Variants in IQCM observed in about 807,000 individuals in gnomAD.
The protein encoded by IQCM is IQ domain-containing protein M.
In IQCM, 45 loss-of-function variants were observed where a neutral mutation model predicts 57.6. The observed-to-expected ratio is 0.78, with a 90% CI of 0.62 to 1.00. The LOEUF is 1.00. IQCM is among the 50% of genes least tolerant of loss of function. The pLI is 0.00. For synonymous variants in IQCM, 148 were observed against 158.9 expected, an observed-to-expected ratio of 0.93 and a Z score of 0.51; for missense variants, 468 against 511.6, an observed-to-expected ratio of 0.91 and a Z score of 0.82.
At chr4:149,366,270 C>T (rs1370166707) in intron 13 of IQCM, among the ~76,000 whole-genome samples, 3 of 151,930 alleles carry the variant, frequency 2.0e-5, no homozygotes, top group Non-Finnish European at 4.4e-5. Flanking sequence ...TTTAGACTGG[C>T]TTGTGAAAAC....
chr4:149,738,369 G>T (rs964780422), intron 3 of IQCM, among the ~76,000 whole-genome samples: 1 of 152,090 alleles, frequency 6.6e-6, no homozygotes, highest in Non-Finnish European at 1.5e-5. Flanking sequence ...CAGCTGTTTC[G>T]ACTTCCCCCT....
intron 13 of IQCM, among the ~76,000 whole-genome samples, chr4:149,404,246 C>T (rs992739925): frequency 9.9e-5 from 15 of 151,978 alleles, no homozygotes; most frequent in African/African-American, 3.6e-4. Context: ...CCCCAGCTGC[C>T]ACGCCTTTAT....
chr4:149,520,199 C>A (rs1745475090), intron 12 of IQCM, among the ~76,000 whole-genome samples: 1 of 150,766 alleles, frequency 6.6e-6, no homozygotes, highest in African/African-American at 2.4e-5. Context: ...CCACAAAAAA[C>A]CGTATATAAG....
At chr4:149,737,461 T>TA (rs1767045292) in intron 3 of IQCM, among the ~76,000 whole-genome samples, 1 of 152,180 alleles carries the variant, frequency 6.6e-6, no homozygotes, top group Non-Finnish European at 1.5e-5. Flanking sequence ...TGGTAGTAAG[T>TA]ATATGGGCAT....
Position 149,440,695 on chromosome 4 carries a change from G to A in IQCM, c.1229-7138C>T, listed in dbSNP as rs539976701. ...TCAGTAAAAAATGAACTTCAAACAA[G>A]TGAGAATTTTTCCTGATGGATTTTT... On this transcript the variant is annotated intron_variant, in intron 12 of 13. Coordinates refer to ENST00000636793, the MANE Select transcript of IQCM (RefSeq NM_001363507.2). Among the ~76,000 whole-genome samples the A allele has an allele frequency of 2.0e-5, 3 of 152,120 alleles. No homozygotes were observed. The South Asian group carries it at 6.2e-4, about 31-fold the overall frequency.
At chr4:149,766,097 T>TA (rs1284948335) in intron 2 of IQCM, among the ~76,000 whole-genome samples, 1 of 152,094 alleles carries the variant, frequency 6.6e-6, no homozygotes, top group Non-Finnish European at 1.5e-5. Flanking sequence ...ACTCTCTCTG[T>TA]ACTGCAACAC....
chr4:149,515,686 G>C (rs572075974), intron 12 of IQCM, among the ~76,000 whole-genome samples: 2 of 152,318 alleles, frequency 1.3e-5, no homozygotes, highest in Non-Finnish European at 2.9e-5. Context: ...ACTCTGAGCA[G>C]TACACTTGGT....
At chr4:149,476,662 AGAG>A (rs944875409) in intron 12 of IQCM, among the ~76,000 whole-genome samples, 1 of 152,176 alleles carries the variant, frequency 6.6e-6, no homozygotes, top group Non-Finnish European at 1.5e-5. Context: ...ACCGAAAGGT[AGAG>A]GAGGCTGGAT....
intron 13 of IQCM, among the ~76,000 whole-genome samples, chr4:149,394,427 A>G (rs2111100383): frequency 6.6e-6 from 1 of 152,076 alleles, no homozygotes; most frequent in African/African-American, 2.4e-5. Flanking sequence ...TTTATCTTGC[A>G]AAAGTATTAT....
At chr4:149,667,888 A>G (rs1398376432) in intron 7 of IQCM, among the ~76,000 whole-genome samples, 1 of 152,028 alleles carries the variant, frequency 6.6e-6, no homozygotes, top group African/African-American at 2.4e-5. Flanking sequence ...AGAAGAATGA[A>G]AAGGAACAAA....
chr4:149,497,791 G>T (rs1277350322), intron 12 of IQCM, among the ~76,000 whole-genome samples: 2 of 146,780 alleles, frequency 1.4e-5, no homozygotes, highest in East Asian at 4.0e-4. Flanking sequence ...CACCCAAAAA[G>T]AACCTATATA....
At chr4:149,464,946 A>T (rs1738688646) in intron 12 of IQCM, among the ~76,000 whole-genome samples, 1 of 152,204 alleles carries the variant, frequency 6.6e-6, no homozygotes, top group Non-Finnish European at 1.5e-5. Context: ...TTAAATAGGA[A>T]TAGTTATGAA....
At chr4:149,815,556 T>C (rs1368196097) in intron 1 of IQCM, 44 bp downstream of exon 1, 1 of 152,134 alleles carries the variant, frequency 6.6e-6, no homozygotes, top group Non-Finnish European at 1.5e-5. Context: ...AAGAAACAGA[T>C]AATTAATACT....
chr4:149,467,871 G>A (rs982333367), intron 12 of IQCM, among the ~76,000 whole-genome samples: 3 of 152,226 alleles, frequency 2.0e-5, no homozygotes, highest in Non-Finnish European at 4.4e-5. Flanking sequence ...ATACTTAACT[G>A]GAACCCAAAG....
intron 13 of IQCM, among the ~76,000 whole-genome samples, chr4:149,419,747 C>A (rs1578998200): frequency 6.6e-6 from 1 of 151,944 alleles, no homozygotes; most frequent in Non-Finnish European, 1.5e-5. Context: ...ACCCATCTGA[C>A]AAAGGTCTAA....
At chr4:149,663,067 C>G (rs1009679517) in intron 7 of IQCM, among the ~76,000 whole-genome samples, 1 of 151,654 alleles carries the variant, frequency 6.6e-6, no homozygotes, top group South Asian at 2.1e-4. Context: ...TGTGTATTTA[C>G]TATAATTTCT....
intron 13 of IQCM, among the ~76,000 whole-genome samples, chr4:149,410,043 G>A (rs997110776): frequency 2.0e-5 from 3 of 152,140 alleles, no homozygotes; most frequent in African/African-American, 7.2e-5. Flanking sequence ...AATTAGCCAG[G>A]CATGGCGGTG....
intron 11 of IQCM, among the ~76,000 whole-genome samples, chr4:149,549,868 A>G (rs2149899429): frequency 6.6e-6 from 1 of 152,326 alleles, no homozygotes; most frequent in Admixed American, 6.5e-5. Flanking sequence ...CAACAGATTC[A>G]AGACATATTT....
At chr4:149,573,265 C>A (rs563285510) in intron 9 of IQCM, among the ~76,000 whole-genome samples, 88 of 151,108 alleles carry the variant, frequency 5.8e-4, no homozygotes, top group African/African-American at 1.8e-3. Flanking sequence ...TAAAAGACCA[C>A]AAAAACATGC....
Sources: gnomAD v4.1 joint callset for allele counts (sites outside exome capture counted in the v4.1 genomes callset) on GRCh38, gnomAD v4.1.1 for gene constraint, MANE v1.5 for transcripts, NCBI Gene and HGNC (gene_info 2026-07-23, HGNC 2026-07-21) for gene names.